Variants in DUSP11 observed in about 807,000 individuals in gnomAD.
The protein encoded by DUSP11 is dual specificity phosphatase 11, also known as RNA/RNP complex-1-interacting phosphatase.
A neutral mutation model predicts 41.4 loss-of-function variants in DUSP11; 27 were observed. The ratio of observed to expected loss-of-function variants is 0.65; its 90% CI spans 0.48 to 0.90. The LOEUF is 0.90. DUSP11 is among the 40% of genes least tolerant of loss of function. The pLI, the probability that DUSP11 is intolerant of heterozygous loss-of-function variation, is 0.00. For missense variants in DUSP11, 465 were observed against 461.1 expected (o/e 1.01, Z -0.08); for synonymous variants, 188 against 159.3 (o/e 1.18, Z -1.35).
chr2:73,766,375 A>G, intron 8 of DUSP11, 43 bp downstream of exon 8: 2 of 1,522,968 alleles, frequency 1.3e-6, no homozygotes, highest in Non-Finnish European at 1.8e-6. Flanking sequence ...TATAGTATTA[A>G]TTTCTATCTC....
At chr2:73,767,311 C>T in intron 5 of DUSP11, 104 bp from the exon 6 acceptor site, 1 of 843,748 alleles carries the variant, frequency 1.2e-6, no homozygotes, top group Non-Finnish European at 2.0e-6. Context: ...TATAAAAATC[C>T]TAAGAAAATA....
At chr2:73,772,014 G>T (rs1470130329) in intron 4 of DUSP11, among the ~76,000 whole-genome samples, 2 of 149,716 alleles carry the variant, frequency 1.3e-5, no homozygotes, top group African/African-American at 4.9e-5. Flanking sequence ...TAGAGATGGG[G>T]TTTCACCGTG....
chr2:73,764,251 ATGTT>A (rs1487096615), intron 8 of DUSP11, among the ~76,000 whole-genome samples: 4 of 152,084 alleles, frequency 2.6e-5, no homozygotes, highest in Admixed American at 6.6e-5. Context: ...GTTTTTTGAA[ATGTT>A]TGTTTACATC....
chr2:73,766,718 T>C, intron 7 of DUSP11, 110 bp downstream of exon 7: 1 of 1,354,174 alleles, frequency 7.4e-7, no homozygotes, highest in Non-Finnish European at 1.0e-6. Flanking sequence ...TGTTTACATC[T>C]CCCCCCAACA....
chr2:73,780,070 C>T, exon 1 of DUSP11: 1 of 1,599,788 alleles, frequency 6.3e-7, no homozygotes, highest in Non-Finnish European at 8.5e-7. Context: ...CAGGAAAAGA[C>T]TCGGCAGCCA....
Position 73,780,057 on chromosome 2 carries a change from A to T in DUSP11, c.59T>A (p.Leu20Ter). ...GCCCTCAATGCCAGGATAAGACCCT[A>T]AACAGGAAAAGACTCGGCAGCCACC... Residue 20 changes from leucine to a stop codon, truncating the protein, a stop_gained, in exon 1 of 9, where the codon TTA (leucine) becomes TAA (stop). Coordinates refer to ENST00000272444, the Ensembl canonical transcript of DUSP11. LOFTEE classifies it high-confidence loss of function. 1 of 1,610,228 alleles carries T rather than the reference A, an allele frequency of 6.2e-7. No homozygotes were observed. The highest frequency in any genetic ancestry group is 1.1e-5 in the South Asian group (1 of 90,792).
chr2:73,769,272 T>C (rs762190837), exon 5 of DUSP11: 3 of 1,612,810 alleles, frequency 1.9e-6, no homozygotes, highest in Non-Finnish European at 2.5e-6. Context: ...TACCTGCAAA[T>C]GAGGTAGCCA....
At chr2:73,775,459 G>A (rs1048259142) in intron 2 of DUSP11, among the ~76,000 whole-genome samples, 2 of 145,900 alleles carry the variant, frequency 1.4e-5, no homozygotes, top group African/African-American at 5.1e-5. Context: ...GCTCACTGCA[G>A]CCTCCACCTC....
chr2:73,778,636 C>G (rs1427166008), intron 1 of DUSP11, among the ~76,000 whole-genome samples: 1 of 152,100 alleles, frequency 6.6e-6, no homozygotes, highest in Non-Finnish European at 1.5e-5. Flanking sequence ...CCGGAGATAC[C>G]CAGAACTTCT....
chr2:73,766,293 A>AGCTC (rs1356742153), intron 8 of DUSP11, 125 bp downstream of exon 8: 20 of 885,178 alleles, frequency 2.3e-5, no homozygotes, highest in Non-Finnish European at 3.2e-5. Flanking sequence ...TGGATGACAG[A>AGCTC]GCGAGACTCT....
At chr2:73,771,753 C>T (rs1210351862) in intron 4 of DUSP11, among the ~76,000 whole-genome samples, 16 of 149,824 alleles carry the variant, frequency 1.1e-4, no homozygotes, top group Admixed American at 2.7e-4. Context: ...CTGCCCACCT[C>T]GGCCTCCTAA....
At position 73,776,576 on chromosome 2, in the gene DUSP11, A is replaced by G. The variant is rs537692920; in HGVS notation, c.319-1532T>C. On this transcript the variant is annotated intron_variant, in intron 2 of 8. Transcript: ENST00000272444. ...ATACCAGTGTGGTCCATTTGTTACAAATGAAGAACCAACTCTGACACATCG... is the reference window on the plus strand; with the variant it reads ...ATACCAGTGTGGTCCATTTGTTACAGATGAAGAACCAACTCTGACACATCG... Among the ~76,000 whole-genome samples the G allele has an allele frequency of 7.2e-5, 11 of 152,244 alleles. No homozygotes were observed. The South Asian group carries it at 2.3e-3, about 32-fold the overall frequency.
At chr2:73,772,706 G>A (rs556702569) in intron 4 of DUSP11, among the ~76,000 whole-genome samples, 1 of 152,260 alleles carries the variant, frequency 6.6e-6, no homozygotes, top group South Asian at 2.1e-4. Context: ...AACCTCTCAA[G>A]TTTTAAAGTT....
At chr2:73,776,331 C>T (rs544717611) in intron 2 of DUSP11, among the ~76,000 whole-genome samples, 85 of 147,944 alleles carry the variant, frequency 5.7e-4, no homozygotes, top group Admixed American at 1.3e-3. Context: ...AGGAGAATGG[C>T]GTGAACCCAG....
In DUSP11 at chr2:73,765,573, T is replaced by TATCCATCCATCC. The variant is rs747641644; in HGVS notation, c.935+833_935+844dup. ...CCACCCACCCATCCACCCATCCATCTATCCATCCATCCATCCATCCATCCA... is the reference window on the plus strand; with the variant it reads ...CCACCCACCCATCCACCCATCCATCTATCCATCCATCCATCCATCCATCCATCCATCCATCCA... On this transcript the variant is annotated intron_variant, in intron 8 of 8. Transcript: ENST00000272444. Among the ~76,000 whole-genome samples, 1,180 of 151,584 alleles carry TATCCATCCATCC rather than the reference T, an allele frequency of 7.8e-3. 22 individuals are homozygous for TATCCATCCATCC. The highest frequency in any genetic ancestry group is 0.027 in the African/African-American group (1,114 of 41,242).
intron 8 of DUSP11, among the ~76,000 whole-genome samples, chr2:73,765,314 G>A (rs1672440688): frequency 6.6e-6 from 1 of 152,150 alleles, no homozygotes; most frequent in Admixed American, 6.5e-5. Context: ...AGGCTTCATG[G>A]CCTCTGGACT....
chr2:73,779,816 G>A, intron 1 of DUSP11, 58 bp downstream of exon 1: 2 of 1,606,190 alleles, frequency 1.2e-6, no homozygotes, highest in Non-Finnish European at 1.7e-6. Flanking sequence ...AAACGATGAA[G>A]CCCAGACCCA....
exon 1 of DUSP11, chr2:73,779,956 G>C: frequency 1.2e-6 from 2 of 1,614,254 alleles, no homozygotes; most frequent in Non-Finnish European, 1.7e-6. Context: ...CCACTGCGGG[G>C]ATGATGCCAC....
At chr2:73,772,896 A>G (rs1672613661) in intron 4 of DUSP11, among the ~76,000 whole-genome samples, 2 of 152,146 alleles carry the variant, frequency 1.3e-5, no homozygotes, top group South Asian at 4.1e-4. Context: ...CCACTACTCC[A>G]TCACATTTTT....
Sources: gnomAD v4.1 joint callset for allele counts (sites outside exome capture counted in the v4.1 genomes callset) on GRCh38, gnomAD v4.1.1 for gene constraint, MANE v1.5 for transcripts, NCBI Gene and HGNC (gene_info 2026-07-23, HGNC 2026-07-21) for gene names.